Variants in DIS3L2 observed in about 807,000 individuals in gnomAD.
DIS3L2 encodes DIS3 like 3'-5' exoribonuclease 2.
A neutral mutation model predicts 97.5 loss-of-function variants in DIS3L2; 34 were observed. The observed-to-expected ratio is 0.35, with a 90% CI of 0.27 to 0.46. The LOEUF (loss-of-function observed/expected upper bound fraction) is 0.46, where lower values mean the gene tolerates loss of function less well. Ranked by LOEUF, DIS3L2 falls within the 20% of genes least tolerant of loss-of-function variation. DIS3L2 has a pLI of 1.00. For missense variants in DIS3L2, 1,038 were observed against 1,146.0 expected (o/e 0.91, Z 1.36); for synonymous variants, 435 against 445.2 (o/e 0.98, Z 0.29).
intron 14 of DIS3L2, among the ~76,000 whole-genome samples, chr2:232,303,790 C>T (rs983351799): frequency 2.0e-5 from 3 of 152,120 alleles, no homozygotes; most frequent in Admixed American, 6.5e-5. Flanking sequence ...ATGTGGCCCT[C>T]GGGTCCATGG....
intron 14 of DIS3L2, among the ~76,000 whole-genome samples, chr2:232,308,984 G>C (rs1695054456): frequency 6.6e-6 from 1 of 152,194 alleles, no homozygotes; most frequent in Admixed American, 6.5e-5. Context: ...GGTGTTGGGG[G>C]AAGGCCTGTG....
At chr2:232,277,406 C>T (rs1408861991) in intron 13 of DIS3L2, among the ~76,000 whole-genome samples, 1 of 152,162 alleles carries the variant, frequency 6.6e-6, no homozygotes, top group Non-Finnish European at 1.5e-5. Context: ...AATTAATACT[C>T]TTATGCATAA....
intron 1 of DIS3L2, among the ~76,000 whole-genome samples, chr2:231,969,309 C>CTTTTTTTTTT (rs149580697): frequency 7.3e-6 from 1 of 137,082 alleles, no homozygotes. Context: ...AGTCCTAGAC[C>CTTTTTTTTTT]TTTTTTTTTT....
chr2:232,287,402 CCG>C (rs1694474582), intron 13 of DIS3L2, among the ~76,000 whole-genome samples: 1 of 87,336 alleles, frequency 1.1e-5, no homozygotes, highest in Non-Finnish European at 2.3e-5. Flanking sequence ...CCCCCCCCCC[CCG>C]CTTTTATTAC....
intron 8 of DIS3L2, among the ~76,000 whole-genome samples, chr2:232,153,978 C>G (rs1262629952): frequency 6.8e-6 from 1 of 147,126 alleles, no homozygotes; most frequent in Non-Finnish European, 1.5e-5. Flanking sequence ...GATACCCTTT[C>G]TTCCAGTTGA....
chr2:232,076,396 A>G (rs1202888720), intron 5 of DIS3L2, among the ~76,000 whole-genome samples: 2 of 152,156 alleles, frequency 1.3e-5, no homozygotes, highest in Admixed American at 6.5e-5. Context: ...ACCAGTTCAC[A>G]TTCACACTAG....
intron 12 of DIS3L2, among the ~76,000 whole-genome samples, chr2:232,259,072 T>C (rs1292651852): frequency 6.6e-6 from 1 of 152,190 alleles, no homozygotes; most frequent in East Asian, 1.9e-4. Flanking sequence ...AAGTTCCTGA[T>C]GGCTCTTCAA....
At chr2:231,985,736 T>C (rs1198381773) in intron 1 of DIS3L2, among the ~76,000 whole-genome samples, 1 of 152,240 alleles carries the variant, frequency 6.6e-6, no homozygotes, top group African/African-American at 2.4e-5. Flanking sequence ...ACATCCTTAC[T>C]CCCACATACT....
intron 1 of DIS3L2, among the ~76,000 whole-genome samples, chr2:231,993,763 A>ATTT (rs555244063): frequency 7.4e-6 from 1 of 135,558 alleles, no homozygotes; most frequent in Admixed American, 7.4e-5. Flanking sequence ...TTCCAACTGC[A>ATTT]TTTTTTTTTT....
chr2:232,090,451 C>T (rs1262938135), intron 6 of DIS3L2, among the ~76,000 whole-genome samples: 1 of 152,218 alleles, frequency 6.6e-6, no homozygotes, highest in Non-Finnish European at 1.5e-5. Flanking sequence ...TGTGAAACCA[C>T]ATGGCTGTTT....
At chr2:232,231,525 T>C (rs777823966) in intron 10 of DIS3L2, among the ~76,000 whole-genome samples, 4 of 152,216 alleles carry the variant, frequency 2.6e-5, no homozygotes, top group Non-Finnish European at 2.9e-5. Flanking sequence ...TAGGGAGACA[T>C]ATTTTGGCTT....
intron 1 of DIS3L2, among the ~76,000 whole-genome samples, chr2:231,983,471 G>A (rs1291648409): frequency 6.6e-6 from 1 of 152,180 alleles, no homozygotes; most frequent in East Asian, 1.9e-4. Flanking sequence ...TGGTGAGCAA[G>A]CATTACTGTT....
At chr2:232,209,921 T>C (rs1034639941) in intron 9 of DIS3L2, among the ~76,000 whole-genome samples, 1 of 152,234 alleles carries the variant, frequency 6.6e-6, no homozygotes, top group Non-Finnish European at 1.5e-5. Context: ...GCGAAGCTTA[T>C]TGTTGGGTCC....
chr2:232,344,038 G>A (rs955406309), exon 14 of DIS3L2: 1 of 155,704 alleles, frequency 6.4e-6, no homozygotes, highest in African/African-American at 2.4e-5. Flanking sequence ...TGTACTGTAG[G>A]AGAAGACGCA....
intron 1 of DIS3L2, among the ~76,000 whole-genome samples, chr2:231,992,331 G>T (rs775079158): frequency 1.3e-5 from 2 of 152,002 alleles, no homozygotes; most frequent in African/African-American, 4.8e-5. Context: ...TGAAGAGTAC[G>T]GGCCATGTTG....
At chr2:231,997,424 CTTTA>C (rs1693760556) in intron 1 of DIS3L2, among the ~76,000 whole-genome samples, 1 of 152,198 alleles carries the variant, frequency 6.6e-6, no homozygotes, top group Non-Finnish European at 1.5e-5. Context: ...TTTGAGATCA[CTTTA>C]TTTGAGCTTG....
chr2:232,258,598 CAAAAAAAAA>C (rs35525137), intron 12 of DIS3L2, among the ~76,000 whole-genome samples: 1 of 74,646 alleles, frequency 1.3e-5, no homozygotes, highest in Non-Finnish European at 2.8e-5. Flanking sequence ...GACTCTGTCT[CAAAAAAAAA>C]AAAAAAAAAA....
intron 7 of DIS3L2, chr2:232,131,677 T>G (rs1293794789): frequency 6.6e-6 from 1 of 152,084 alleles, no homozygotes. Context: ...GGCTTTATGT[T>G]TCAGAAGCAT....
chr2:232,095,098 C>T (rs1456887250), intron 6 of DIS3L2, among the ~76,000 whole-genome samples: 3 of 152,060 alleles, frequency 2.0e-5, no homozygotes, highest in Non-Finnish European at 4.4e-5. Flanking sequence ...CTTGTTTTTT[C>T]ATCCATTCAG....
Sources: gnomAD v4.1 joint callset for allele counts (sites outside exome capture counted in the v4.1 genomes callset) on GRCh38, gnomAD v4.1.1 for gene constraint, MANE v1.5 for transcripts, NCBI Gene and HGNC (gene_info 2026-07-23, HGNC 2026-07-21) for gene names.